Variants in SLC35D4 observed in about 807,000 individuals in gnomAD.
The protein encoded by SLC35D4 is solute carrier family 35 member D4.
At chr18:23,260,419 C>G in the SLC35D4 span, 1 of 152,276 alleles carries the variant, frequency 6.6e-6, no homozygotes, top group Non-Finnish European at 1.5e-5. Context: ...CCATGTCATT[C>G]CTTCCTGTTC....
At chr18:23,278,407 C>A in the SLC35D4 span, among the ~76,000 whole-genome samples, 2 of 152,132 alleles carry the variant, frequency 1.3e-5, no homozygotes. Context: ...TTGGTAAAAG[C>A]AAAAGTCTGG....
At chr18:23,403,573 G>A in the SLC35D4 span, among the ~76,000 whole-genome samples, 4 of 152,176 alleles carry the variant, frequency 2.6e-5, no homozygotes, top group African/African-American at 4.8e-5. Flanking sequence ...GGTAGGGAGC[G>A]AATAATATGG....
At chr18:23,427,066 T>TA in the SLC35D4 span, among the ~76,000 whole-genome samples, 4 of 152,144 alleles carry the variant, frequency 2.6e-5, no homozygotes, top group Non-Finnish European at 4.4e-5. Flanking sequence ...ACAGAAACCC[T>TA]AGAAGAAAAC....
the SLC35D4 span, chr18:23,430,553 T>C: frequency 1.6e-6 from 2 of 1,230,364 alleles, no homozygotes; most frequent in African/African-American, 1.5e-5. Flanking sequence ...ATCTATGCAG[T>C]TATTAAAACT....
the SLC35D4 span, among the ~76,000 whole-genome samples, chr18:23,386,782 T>C: frequency 8.0e-5 from 12 of 150,054 alleles, no homozygotes; most frequent in Admixed American, 4.0e-4. Flanking sequence ...TATTAGGATA[T>C]ACTGGTACCT....
chr18:23,280,163 G>A, the SLC35D4 span, among the ~76,000 whole-genome samples: 1 of 151,852 alleles, frequency 6.6e-6, no homozygotes, highest in Admixed American at 6.5e-5. Context: ...GCAGGCAGCG[G>A]GGCTGAGCTT....
the SLC35D4 span, among the ~76,000 whole-genome samples, chr18:23,435,613 G>T: frequency 2.0e-5 from 3 of 152,240 alleles, no homozygotes; most frequent in African/African-American, 7.2e-5. Flanking sequence ...ACAAAAGATT[G>T]TCCTTTTCTT....
chr18:23,354,830 A>G, the SLC35D4 span, among the ~76,000 whole-genome samples: 4 of 152,322 alleles, frequency 2.6e-5, no homozygotes, highest in Non-Finnish European at 4.4e-5. Context: ...GCCCTTTTGC[A>G]TCGCTTAACT....
chr18:23,344,486 G>A, the SLC35D4 span, among the ~76,000 whole-genome samples: 10 of 152,128 alleles, frequency 6.6e-5, no homozygotes, highest in Admixed American at 3.3e-4. Context: ...TCATTGAGGT[G>A]TAAGAATTCT....
chr18:23,247,778 A>G, the SLC35D4 span, among the ~76,000 whole-genome samples: 1 of 152,224 alleles, frequency 6.6e-6, no homozygotes, highest in Non-Finnish European at 1.5e-5. Flanking sequence ...AGCACAGCAG[A>G]CAGGAGGCCA....
the SLC35D4 span, among the ~76,000 whole-genome samples, chr18:23,348,632 C>T: frequency 6.6e-6 from 1 of 152,092 alleles, no homozygotes; most frequent in Non-Finnish European, 1.5e-5. Flanking sequence ...TCTATTTTGT[C>T]TGATTTTAAT....
the SLC35D4 span, among the ~76,000 whole-genome samples, chr18:23,248,233 G>A: frequency 6.6e-5 from 10 of 152,224 alleles, no homozygotes; most frequent in Non-Finnish European, 1.2e-4. Flanking sequence ...ATCGGATATC[G>A]TCAGTGCCTT....
chr18:23,397,220 G>C, the SLC35D4 span, among the ~76,000 whole-genome samples: 1 of 152,210 alleles, frequency 6.6e-6, no homozygotes, highest in Non-Finnish European at 1.5e-5. Flanking sequence ...CACAGTGAAT[G>C]GTTCAGGGAA....
chr18:23,325,847 G>C, the SLC35D4 span, among the ~76,000 whole-genome samples: 1 of 152,192 alleles, frequency 6.6e-6, no homozygotes, highest in Non-Finnish European at 1.5e-5. Context: ...CCCCGTGTGG[G>C]TACAGCCAGG....
the SLC35D4 span, among the ~76,000 whole-genome samples, chr18:23,321,428 G>C: frequency 3.9e-5 from 6 of 151,904 alleles, no homozygotes; most frequent in African/African-American, 1.2e-4. Flanking sequence ...TTTCCCTAGA[G>C]CCACTGGATA....
chr18:23,304,769 C>T, the SLC35D4 span, among the ~76,000 whole-genome samples: 5 of 152,078 alleles, frequency 3.3e-5, no homozygotes, highest in African/African-American at 1.2e-4. Flanking sequence ...ACTAAGTCTC[C>T]ACTGGCTGCC....
the SLC35D4 span, chr18:23,296,986 T>C: frequency 6.6e-6 from 1 of 151,998 alleles, no homozygotes; most frequent in Non-Finnish European, 1.5e-5. Flanking sequence ...CTCTAGAGTT[T>C]AAAATGCTCG....
At chr18:23,422,847 C>T in the SLC35D4 span, among the ~76,000 whole-genome samples, 3 of 152,184 alleles carry the variant, frequency 2.0e-5, no homozygotes, top group South Asian at 4.2e-4. Flanking sequence ...CATCAGAATG[C>T]CAAATGAGTG....
chr18:23,365,807 C>T, the SLC35D4 span: 1 of 902,058 alleles, frequency 1.1e-6, no homozygotes, highest in Non-Finnish European at 1.7e-6. Flanking sequence ...CTAAATCCAG[C>T]TCCTCAGAGA....
Sources: gnomAD v4.1 joint callset for allele counts (sites outside exome capture counted in the v4.1 genomes callset) on GRCh38, gnomAD v4.1.1 for gene constraint, MANE v1.5 for transcripts, NCBI Gene and HGNC (gene_info 2026-07-23, HGNC 2026-07-21) for gene names.